Variants in DLGAP2 observed in about 807,000 individuals in gnomAD.
DLGAP2 encodes disks large-associated protein 2.
A neutral mutation model predicts 100.3 loss-of-function variants in DLGAP2; 26 were observed. The observed-to-expected ratio is 0.26, with a 90% CI of 0.19 to 0.36. The LOEUF is 0.36. Ranked by LOEUF, DLGAP2 falls within the 10% of genes least tolerant of loss-of-function variation. The pLI is 1.00. For missense variants in DLGAP2, 1,858 were observed against 1,453.2 expected (o/e 1.28, Z -4.53); for synonymous variants, 886 against 630.1 (o/e 1.41, Z -6.08).
At position 1,697,283 on chromosome 8, in the gene DLGAP2, A is replaced by T. The variant is rs1563069249; in HGVS notation, c.2933A>T (p.Glu978Val). The T allele has an allele frequency of 6.2e-7, 1 of 1,606,550 alleles. No individual in the cohort carries two copies. Among genetic ancestry groups the T allele is most frequent in the East Asian group, 2.2e-5 (1 of 44,518 alleles). Reference protein sequence around the residue: ...RLRLNDWKMMESPERKEERKV... With the variant: ...RLRLNDWKMMVSPERKEERKV... ...CGGCTCAACGACTGGAAGATGATGG[A>T]GTCCCCGGAAAGAAAGGTAAGGGCA... is the stretch of plus-strand genomic sequence containing the variant. The change falls in exon 14 of 15, where the codon GAG becomes GTG. Residue 978 changes from glutamate (E) to valine (V), a missense_variant. By Grantham distance (121) the Glu-to-Val change is moderately radical. Coordinates refer to ENST00000637795, the MANE Select transcript of DLGAP2 (RefSeq NM_001346810.2).
chr8:996,097 G>C (rs1475409801), intron 2 of DLGAP2, among the ~76,000 whole-genome samples: 1 of 152,154 alleles, frequency 6.6e-6, no homozygotes, highest in Non-Finnish European at 1.5e-5. Context: ...TAGTTCCTCA[G>C]ACCAGTATGC....
At chr8:1,679,603 T>C (rs971682131) in intron 12 of DLGAP2, among the ~76,000 whole-genome samples, 4 of 152,254 alleles carry the variant, frequency 2.6e-5, no homozygotes, top group Non-Finnish European at 4.4e-5. Context: ...CCGTTGGTAC[T>C]CACCTATGCC....
intron 6 of DLGAP2, among the ~76,000 whole-genome samples, chr8:1,583,503 T>A (rs1399598673): frequency 6.6e-6 from 1 of 152,174 alleles, no homozygotes; most frequent in Non-Finnish European, 1.5e-5. Flanking sequence ...TCGGGGCTGC[T>A]TTTGAGACCT....
At chr8:1,247,537 C>T (rs369859986) in intron 2 of DLGAP2, among the ~76,000 whole-genome samples, 1 of 34,216 alleles carries the variant, frequency 2.9e-5, no homozygotes, top group East Asian at 7.3e-4. Flanking sequence ...TGTTGGTGGC[C>T]GGCAAGACCT....
At chr8:1,526,376 G>C (rs1418640989) in intron 4 of DLGAP2, among the ~76,000 whole-genome samples, 1 of 152,034 alleles carries the variant, frequency 6.6e-6, no homozygotes, top group South Asian at 2.1e-4. Context: ...GGAATTGGGG[G>C]CTCAGAGGGT....
At chr8:1,201,395 C>G (rs569365907) in intron 2 of DLGAP2, among the ~76,000 whole-genome samples, 1 of 152,122 alleles carries the variant, frequency 6.6e-6, no homozygotes, top group South Asian at 2.1e-4. Flanking sequence ...GAAGGGACGG[C>G]CTTCTGTTCC....
intron 2 of DLGAP2, among the ~76,000 whole-genome samples, chr8:967,816 CTATATATATATATATATATATATA>C (rs1175736398): frequency 0.012 from 30 of 2,582 alleles, 1 homozygote; most frequent in African/African-American, 0.015. Flanking sequence ...TTGAACACCA[CTATATATATATATATATATATATA>C]TATATATATA....
intron 1 of DLGAP2, among the ~76,000 whole-genome samples, chr8:778,725 G>A (rs1426922885): frequency 9.9e-5 from 15 of 152,222 alleles, no homozygotes; most frequent in Non-Finnish European, 1.5e-4. Context: ...CGTACTGGGA[G>A]AACCACTGCT....
intron 6 of DLGAP2, among the ~76,000 whole-genome samples, chr8:1,580,495 T>A (rs563747753): frequency 2.6e-5 from 4 of 152,316 alleles, no homozygotes; most frequent in South Asian, 4.2e-4. Context: ...AGCTATCAAA[T>A]GTTCTCACAC....
intron 2 of DLGAP2, among the ~76,000 whole-genome samples, chr8:1,240,042 TCTCTC>T (rs1798750892): frequency 6.6e-6 from 1 of 151,430 alleles, no homozygotes; most frequent in Non-Finnish European, 1.5e-5. Context: ...CGTGTCTAGT[TCTCTC>T]ACATGGCGCC....
chr8:1,553,878 GT>G (rs1801866735), intron 5 of DLGAP2, among the ~76,000 whole-genome samples: 1 of 152,150 alleles, frequency 6.6e-6, no homozygotes, highest in South Asian at 2.1e-4. Context: ...CATCTTAAAA[GT>G]CCCATCTCCC....
At chr8:1,661,071 C>T (rs1798398891) in intron 8 of DLGAP2, among the ~76,000 whole-genome samples, 1 of 152,210 alleles carries the variant, frequency 6.6e-6, no homozygotes, top group Admixed American at 6.5e-5. Context: ...CATGTAAAGA[C>T]AGCAGTGACT....
At chr8:788,985 C>T (rs562895363) in intron 1 of DLGAP2, among the ~76,000 whole-genome samples, 10 of 152,302 alleles carry the variant, frequency 6.6e-5, no homozygotes, top group East Asian at 1.9e-4. Flanking sequence ...ATTTGCCACC[C>T]GTCTCTCTTC....
chr8:1,244,665 A>G (rs180951596), intron 2 of DLGAP2, among the ~76,000 whole-genome samples: 1 of 152,344 alleles, frequency 6.6e-6, no homozygotes, highest in East Asian at 1.9e-4. Flanking sequence ...GGCAAGAGAT[A>G]AAATTATAAA....
chr8:1,264,489 C>T (rs1799413139), intron 3 of DLGAP2, among the ~76,000 whole-genome samples: 2 of 152,186 alleles, frequency 1.3e-5, no homozygotes, highest in Admixed American at 6.5e-5. Context: ...GAAATGCACA[C>T]TCCAGGTATG....
chr8:761,681 T>C (rs1821087740), intron 1 of DLGAP2, among the ~76,000 whole-genome samples: 1 of 152,114 alleles, frequency 6.6e-6, no homozygotes, highest in African/African-American at 2.4e-5. Context: ...ATCATTCCCG[T>C]GTGTCAGGCA....
chr8:934,695 A>G (rs1209460553), intron 2 of DLGAP2, among the ~76,000 whole-genome samples: 2 of 152,064 alleles, frequency 1.3e-5, no homozygotes, highest in Non-Finnish European at 2.9e-5. Context: ...ATGCTCGCTC[A>G]TGCTCATGAG....
chr8:826,910 A>G (rs189320158), intron 1 of DLGAP2, among the ~76,000 whole-genome samples: 1 of 152,250 alleles, frequency 6.6e-6, no homozygotes, highest in Non-Finnish European at 1.5e-5. Context: ...ATGTTTTTGT[A>G]GAAACATCCA....
intron 2 of DLGAP2, among the ~76,000 whole-genome samples, chr8:1,241,582 G>A (rs1798798140): frequency 6.6e-6 from 1 of 152,178 alleles, no homozygotes; most frequent in African/African-American, 2.4e-5. Context: ...CTCCTGGGTG[G>A]AGCCAGTCAG....
Sources: gnomAD v4.1 joint callset for allele counts (sites outside exome capture counted in the v4.1 genomes callset) on GRCh38, gnomAD v4.1.1 for gene constraint, MANE v1.5 for transcripts, NCBI Gene and HGNC (gene_info 2026-07-23, HGNC 2026-07-21) for gene names.